EPHA6: variants seen among roughly 807,000 people sequenced by gnomAD.
The protein encoded by EPHA6 is EPH receptor A6.
Under a neutral mutation model 112.0 loss-of-function variants are expected in EPHA6, and 50 were observed. That is an observed-to-expected ratio of 0.45 (90% CI 0.36 to 0.56). The LOEUF (loss-of-function observed/expected upper bound fraction) is 0.56, where lower values mean the gene tolerates loss of function less well. Ranked by LOEUF, EPHA6 falls within the 20% of genes least tolerant of loss-of-function variation. EPHA6 has a pLI of 0.00. For synonymous variants in EPHA6, 529 were observed against 490.7 expected, an observed-to-expected ratio of 1.08 and a Z score of -1.03; for missense variants, 1,280 against 1,417.4, an observed-to-expected ratio of 0.90 and a Z score of 1.56.
At chr3:96,816,994 T>G (rs531932044) in intron 1 of EPHA6, among the ~76,000 whole-genome samples, 1 of 152,184 alleles carries the variant, frequency 6.6e-6, no homozygotes, top group East Asian at 1.9e-4. Context: ...TGAATGAGTA[T>G]TATCCAATTT....
chr3:97,082,993 A>G (rs371943452), intron 3 of EPHA6, among the ~76,000 whole-genome samples: 1 of 150,830 alleles, frequency 6.6e-6, no homozygotes, highest in Non-Finnish European at 1.5e-5. Flanking sequence ...ATGATACATA[A>G]TAAAATATCT....
chr3:97,143,990 A>G (rs890209034), intron 3 of EPHA6, among the ~76,000 whole-genome samples: 5 of 151,840 alleles, frequency 3.3e-5, no homozygotes, highest in Non-Finnish European at 7.4e-5. Flanking sequence ...ACGTCCTGGC[A>G]GATGTATATT....
At chr3:97,141,149 G>C (rs2108352171) in intron 3 of EPHA6, among the ~76,000 whole-genome samples, 1 of 152,088 alleles carries the variant, frequency 6.6e-6, no homozygotes, top group Admixed American at 6.6e-5. Flanking sequence ...TCTATCCTAA[G>C]TATATATGTA....
intron 2 of EPHA6, among the ~76,000 whole-genome samples, chr3:96,913,209 CACA>C (rs2039315274): frequency 1.7e-5 from 2 of 119,248 alleles, no homozygotes; most frequent in African/African-American, 3.2e-5. Flanking sequence ...CACACACACA[CACA>C]CCACACACAC....
chr3:97,040,804 T>C (rs1275338319), intron 3 of EPHA6, among the ~76,000 whole-genome samples: 1 of 152,100 alleles, frequency 6.6e-6, no homozygotes, highest in Non-Finnish European at 1.5e-5. Flanking sequence ...ATTTGCCCTC[T>C]TCTTTTACTA....
At position 97,496,798 on chromosome 3, in the gene EPHA6, C is replaced by A. The variant is rs185946733; in HGVS notation, c.2200+12739C>A. Among the ~76,000 whole-genome samples the A allele has an allele frequency of 1.1e-3, 159 of 151,380 alleles. 1 individual carries two copies. The highest frequency in any genetic ancestry group is 3.4e-3 in the African/African-American group (139 of 40,916). ...AAAGTGAATTACCATTACCTAAGTG[C>A]ATTGATGCACACACACAAAAAAAAA... On this transcript the variant is annotated intron_variant, in intron 10 of 17. Coordinates refer to ENST00000389672, the MANE Select transcript of EPHA6 (RefSeq NM_001080448.3).
At chr3:97,650,941 C>T (rs1258599889) in intron 14 of EPHA6, among the ~76,000 whole-genome samples, 2 of 150,436 alleles carry the variant, frequency 1.3e-5, no homozygotes, top group Non-Finnish European at 3.0e-5. Context: ...TACTGAGAAA[C>T]TCCAACTTTC....
chr3:97,116,761 A>G lies in EPHA6; in HGVS notation c.1115-109503A>G, dbSNP rs183664898. On this transcript the variant is annotated intron_variant, in intron 3 of 17. Coordinates refer to ENST00000389672, the MANE Select transcript of EPHA6 (RefSeq NM_001080448.3). ...CAGTGAACACTTGGGTTGATTCCAT[A>G]TCTTGGATATTGTGAATAGTGCTGT... is the stretch of plus-strand genomic sequence containing the variant. Among the ~76,000 whole-genome samples, 355 of 151,730 alleles carry G rather than the reference A, an allele frequency of 2.3e-3. 9 individuals are homozygous for G. The highest frequency in any genetic ancestry group is 0.021 in the Admixed American group (325 of 15,196).
At chr3:97,193,518 T>C (rs2077362345) in intron 3 of EPHA6, among the ~76,000 whole-genome samples, 1 of 152,154 alleles carries the variant, frequency 6.6e-6, no homozygotes. Flanking sequence ...AGTTTATCAG[T>C]TCTAATAGTG....
At chr3:96,850,405 G>A (rs972947893) in intron 1 of EPHA6, among the ~76,000 whole-genome samples, 11 of 152,114 alleles carry the variant, frequency 7.2e-5, no homozygotes, top group Non-Finnish European at 2.9e-5. Context: ...AACTGTCCTA[G>A]AAGCCTTTAG....
intron 14 of EPHA6, among the ~76,000 whole-genome samples, chr3:97,681,623 GAAT>G (rs1352193142): frequency 2.0e-5 from 3 of 151,986 alleles, no homozygotes; most frequent in Non-Finnish European, 4.4e-5. Flanking sequence ...AAAAATTTGA[GAAT>G]AATACCACTT....
intron 3 of EPHA6, among the ~76,000 whole-genome samples, chr3:96,996,759 A>T (rs1014885148): frequency 3.9e-5 from 6 of 152,074 alleles, no homozygotes; most frequent in African/African-American, 1.4e-4. Context: ...GGCAGAGTAG[A>T]TTTATCATAA....
chr3:97,551,389 G>A (rs7433641), intron 11 of EPHA6, among the ~76,000 whole-genome samples: 42,265 of 151,942 alleles, frequency 0.28, 9,185 homozygotes, highest in African/African-American at 0.59. Flanking sequence ...CATTTTCATT[G>A]GGTTATATCA....
At chr3:97,423,663 T>G (rs2088863215) in intron 6 of EPHA6, among the ~76,000 whole-genome samples, 1 of 152,168 alleles carries the variant, frequency 6.6e-6, no homozygotes, top group South Asian at 2.1e-4. Flanking sequence ...CTAAAATTCA[T>G]ATGGAACCAA....
Position 97,720,243 on chromosome 3 carries a change from C to G in EPHA6, c.2785-18C>G. 6.4e-7 allele frequency: 1 copy of G among 1,555,768 alleles called. No individual in the cohort carries two copies. The highest frequency in any genetic ancestry group is 8.7e-7 in the Non-Finnish European group (1 of 1,154,534). The stretch of plus-strand genomic sequence containing the variant: ...TACAACGATAAGCCAGCTAAGAAAT[C>G]TCCAATTTGTTTTCCAGGGTGGAAA... On this transcript the variant is annotated intron_variant, in intron 14 of 17. Transcript: ENST00000389672.
At chr3:97,723,230 G>A (rs902702874) in intron 15 of EPHA6, among the ~76,000 whole-genome samples, 1 of 152,144 alleles carries the variant, frequency 6.6e-6, no homozygotes, top group Non-Finnish European at 1.5e-5. Flanking sequence ...GATTTTTTAG[G>A]AGAGCAGCTT....
chr3:97,159,657 C>A (rs1396252315), intron 3 of EPHA6, among the ~76,000 whole-genome samples: 1 of 152,134 alleles, frequency 6.6e-6, no homozygotes, highest in Admixed American at 6.6e-5. Flanking sequence ...CTTCAATATG[C>A]CCTGCCACTA....
intron 2 of EPHA6, among the ~76,000 whole-genome samples, chr3:96,917,056 G>A (rs895686706): frequency 1.3e-5 from 2 of 151,980 alleles, no homozygotes; most frequent in African/African-American, 4.8e-5. Context: ...TTCCTACGTC[G>A]TATCTTCTAA....
At chr3:97,232,813 C>A (rs960989895) in intron 4 of EPHA6, among the ~76,000 whole-genome samples, 3 of 152,134 alleles carry the variant, frequency 2.0e-5, no homozygotes, top group African/African-American at 7.2e-5. Flanking sequence ...TCTGTTTCTT[C>A]TCTCCTGATT....
Sources: gnomAD v4.1 joint callset for allele counts (sites outside exome capture counted in the v4.1 genomes callset) on GRCh38, gnomAD v4.1.1 for gene constraint, MANE v1.5 for transcripts, NCBI Gene and HGNC (gene_info 2026-07-23, HGNC 2026-07-21) for gene names.